The following ZSWIM8 variants were observed in gnomAD, a reference collection of about 807,000 sequenced individuals.
The protein encoded by ZSWIM8 is zinc finger SWIM-type containing 8, also known as zinc finger SWIM domain-containing protein 8.
ZSWIM8 carries 27 observed loss-of-function variants against 173.7 expected under a neutral mutation model. The observed-to-expected ratio is 0.16, with a 90% CI of 0.11 to 0.21. The LOEUF (loss-of-function observed/expected upper bound fraction) is 0.21, where lower values mean the gene tolerates loss of function less well. Among genes scored for constraint, ZSWIM8 ranks in the 10% least tolerant of loss-of-function variants. ZSWIM8 has a pLI of 1.00. For synonymous variants in ZSWIM8, 958 were observed against 962.0 expected, an observed-to-expected ratio of 1.00 and a Z score of 0.08; for missense variants, 1,627 against 2,428.8, an observed-to-expected ratio of 0.67 and a Z score of 6.94.
Position 73,801,068 on chromosome 10 carries a change from G to A in ZSWIM8, c.5174G>A (p.Ser1725Asn). 3 of 1,562,108 alleles carry A rather than the reference G, an allele frequency of 1.9e-6. No individual in the cohort carries two copies. The highest frequency in any genetic ancestry group is 2.6e-6 in the Non-Finnish European group (3 of 1,153,470). The change falls in exon 25 of 26, where the codon AGC (serine) becomes AAC (asparagine). Residue 1725 changes from serine (S) to asparagine (N), a missense_variant. By Grantham distance (46) the Ser-to-Asn change is conservative. Coordinates refer to ENST00000604729, the MANE Select transcript of ZSWIM8 (RefSeq NM_001367799.1). This position sits in a 1 kb window ranked among gnomAD's most constrained non-coding sequence, Gnocchi z 4.9. Reference sequence around the variant, plus strand: ...GTGGGGGCAGCCAAGGGGGTGCTGAGCCCGTTTGTGCTGCAGGAGATCGTC... The same window carrying A: ...GTGGGGGCAGCCAAGGGGGTGCTGAACCCGTTTGTGCTGCAGGAGATCGTC... ...FCVGAAKGVL[S>N]PFVLQEIVME...
rs1589600405 is a variant in ZSWIM8 at position 73,800,645 on chromosome 10, C to T, written c.5008C>T (p.Leu1670=). The T allele has an allele frequency of 6.2e-7, 1 of 1,613,654 alleles. No homozygotes were observed. The highest frequency in any genetic ancestry group is 1.1e-5 in the South Asian group (1 of 91,078). The change falls in exon 24 of 26, where the codon CTG becomes TTG. Residue 1670 remains leucine, a synonymous_variant. Coordinates refer to ENST00000604729, the MANE Select transcript of ZSWIM8 (RefSeq NM_001367799.1). This position sits in a 1 kb window ranked among gnomAD's most constrained non-coding sequence, Gnocchi z 4.1. ...CACCCTTATCTATCTCCCAGGAATG[C>T]TGGCACTGGAGATGCTGGGTCGCCG... is the stretch of plus-strand genomic sequence containing the variant. ...HLHAAYRVGM[L]ALEMLGRRAH...
chr10:73,788,542 T>C, intron 1 of ZSWIM8, 128 bp from the exon 2 acceptor site: 1 of 1,189,490 alleles, frequency 8.4e-7, no homozygotes, highest in Non-Finnish European at 1.2e-6. Context: ...AGGACTTTCA[T>C]CCAGGTCTCT....
In ZSWIM8 at chr10:73,800,136, A is replaced by G. The variant is rs766775053; in HGVS notation, c.4791A>G (p.Thr1597=). 2.5e-6 allele frequency: 4 copies of G among 1,613,780 alleles called. No individual in the cohort carries two copies. Among genetic ancestry groups the G allele is most frequent in the East Asian group, 4.5e-5 (2 of 44,882 alleles). Residue 1597 remains threonine (T), a synonymous_variant, in exon 22 of 26, where the codon ACA becomes ACG. Transcript: ENST00000604729. The surrounding 1 kb of genome is among the most constrained non-coding windows in gnomAD (Gnocchi z 4.1). Reference sequence around the variant, plus strand: ...CCATCACAGTACATCCCTACCACACAGAGCCAGGGCTTCCACTGCCCACCA... The same window carrying G: ...CCATCACAGTACATCCCTACCACACGGAGCCAGGGCTTCCACTGCCCACCA... The part of the protein sequence containing the change: ...MAPITVHPYH[T]EPGLPLPTSV...
chr10:73,800,708 C>G lies in ZSWIM8; in HGVS notation c.5071C>G (p.Pro1691Ala). 6.2e-7 allele frequency: 1 copy of G among 1,613,830 alleles called. No individual in the cohort carries two copies. Among genetic ancestry groups the G allele is most frequent in the Non-Finnish European group, 8.5e-7 (1 of 1,179,808 alleles). Residue 1691 changes from proline to alanine, a missense_variant, in exon 24 of 26, where the codon CCC (proline) becomes GCC (alanine). Physicochemically the swap from Pro to Ala is conservative, Grantham distance 27. This residue lies in a region of ZSWIM8 where 30 missense variants were observed against 20.9 expected (regional missense o/e 1.44). Coordinates refer to ENST00000604729, the MANE Select transcript of ZSWIM8 (RefSeq NM_001367799.1). The surrounding 1 kb of genome is among the most constrained non-coding windows in gnomAD (Gnocchi z 4.1). ...TCACCCCAACAACTTCTCCCGCTCC[C>G]CCCCCTACACTGATGATGTCAAATG... ...NDHPNNFSRS[P>A]PYTDDVKWLL... is the part of the protein sequence containing the mutation.
At chr10:73,796,360 AG>A in intron 15 of ZSWIM8, 3 of 418,108 alleles carry the variant, frequency 7.2e-6, no homozygotes, top group East Asian at 7.4e-5. Flanking sequence ...TAAAAAAAAA[AG>A]AAGAAGAAGA....
chr10:73,798,362 C>T lies in ZSWIM8; in HGVS notation c.4085C>T (p.Ala1362Val). 3 of 1,614,016 alleles carry T rather than the reference C, an allele frequency of 1.9e-6. No homozygotes were observed. The highest frequency in any genetic ancestry group is 1.1e-5 in the South Asian group (1 of 91,080). The change falls in exon 20 of 26, where the codon GCG becomes GTG. Residue 1362 changes from alanine (A) to valine (V), a missense_variant. Physicochemically the swap from Ala to Val is moderately conservative, Grantham distance 64 (BLOSUM62 0). Around this residue, in one of 18 missense-constraint regions of ZSWIM8, gnomAD observed 95 missense variants for 271.3 expected, o/e 0.35. Transcript: ENST00000604729. ...SRARDSNMVR[A>V]AAELALSCLP... ...GCAAGAGACTCCAATATGGTGAGGGCGGCAGCAGAGCTGGCCCTGAGCTGC... is the reference window on the plus strand; with the variant it reads ...GCAAGAGACTCCAATATGGTGAGGGTGGCAGCAGAGCTGGCCCTGAGCTGC...
In ZSWIM8 at chr10:73,797,478, G is replaced by A. The variant is rs764761601; in HGVS notation, c.3535G>A (p.Gly1179Ser). The A allele has an allele frequency of 5.0e-6, 8 of 1,613,836 alleles. No homozygotes were observed. Among genetic ancestry groups the A allele is most frequent in the Middle Eastern group, 1.6e-4 (1 of 6,084 alleles). Reference sequence around the variant, plus strand: ...AGGGGGCTGGGCCCCCACCTCCTGGGGTCGAGGTCAGGACAGTGACAGCAT... The same window carrying A: ...AGGGGGCTGGGCCCCCACCTCCTGGAGTCGAGGTCAGGACAGTGACAGCAT... Reference protein sequence around the residue: ...LRGGWAPTSWGRGQDSDSISS... With the variant: ...LRGGWAPTSWSRGQDSDSISS... Residue 1179 changes from glycine (G) to serine (S), a missense_variant, in exon 18 of 26, where the codon GGT becomes AGT. This residue lies in a region of ZSWIM8 where 72 missense variants were observed against 98.4 expected (regional missense o/e 0.73). Transcript: ENST00000604729. The surrounding 1 kb of genome is among the most constrained non-coding windows in gnomAD (Gnocchi z 5.6).
intron 15 of ZSWIM8, chr10:73,796,370 G>A (rs967384036): frequency 4.5e-5 from 19 of 425,470 alleles, no homozygotes; most frequent in South Asian, 8.6e-5. Context: ...AGAAGAAGAA[G>A]AAAAAAAGAA....
chr10:73,800,876 T>C lies in ZSWIM8; in HGVS notation c.5122+117T>C. 2 of 1,179,346 alleles carry C rather than the reference T, an allele frequency of 1.7e-6. No individual in the cohort carries two copies. Among genetic ancestry groups the C allele is most frequent in the Non-Finnish European group, 2.4e-6 (2 of 836,050 alleles). 73.1% of individuals were successfully genotyped at this position (1,179,346 alleles called of 1,614,324 possible). On this transcript the variant is annotated intron_variant, in intron 24 of 25. Coordinates refer to ENST00000604729, the MANE Select transcript of ZSWIM8 (RefSeq NM_001367799.1). This position sits in a 1 kb window ranked among gnomAD's most constrained non-coding sequence, Gnocchi z 4.1. Reference sequence around the variant, plus strand: ...AGTTGAGGCCTTGGTCGGGTATGTGTGCGTGCGCGGGGGGCGGAGGGTTAC... The same window carrying C: ...AGTTGAGGCCTTGGTCGGGTATGTGCGCGTGCGCGGGGGGCGGAGGGTTAC...
chr10:73,791,235 ATCC>A lies in ZSWIM8; in HGVS notation c.1143+65_1143+67del. On this transcript the variant is annotated intron_variant, in intron 8 of 25. Transcript: ENST00000604729. This position sits in a 1 kb window ranked among gnomAD's most constrained non-coding sequence, Gnocchi z 6.0. ...CTCATTCTTTCCCTCCCCCTGCCTC[ATCC>A]TCCTCTTGCTGAAATGGACTCTGGG... 1 of 1,568,510 alleles carries A rather than the reference ATCC, an allele frequency of 6.4e-7. No individual in the cohort carries two copies. The highest frequency in any genetic ancestry group is 8.7e-7 in the Non-Finnish European group (1 of 1,151,278).
At chr10:73,788,101 G>A (rs2083287781) in intron 1 of ZSWIM8, among the ~76,000 whole-genome samples, 1 of 152,090 alleles carries the variant, frequency 6.6e-6, no homozygotes, top group South Asian at 2.1e-4. Flanking sequence ...CCCCTTGAGG[G>A]TTTCCAGTGT....
chr10:73,795,501 G>T (rs1293224907), intron 14 of ZSWIM8, 38 bp from the exon 15 acceptor site: 4 of 1,611,456 alleles, frequency 2.5e-6, no homozygotes, highest in East Asian at 2.2e-5. Context: ...TGGGAATTAT[G>T]ACTACTCTCA....
At position 73,800,884 on chromosome 10, in the gene ZSWIM8, C is replaced by CG. The variant is rs1208564741; in HGVS notation, c.5123-127dup. Reference sequence around the variant, plus strand: ...CCTTGGTCGGGTATGTGTGCGTGCGCGGGGGGCGGAGGGTTACCTCAGCTC... The same window carrying CG: ...CCTTGGTCGGGTATGTGTGCGTGCGCGGGGGGGCGGAGGGTTACCTCAGCTC... On this transcript the variant is annotated intron_variant, in intron 24 of 25. Transcript: ENST00000604729. This position sits in a 1 kb window ranked among gnomAD's most constrained non-coding sequence, Gnocchi z 4.1. 6.0e-5 allele frequency: 71 copies of CG among 1,188,662 alleles called. No individual in the cohort carries two copies. Among genetic ancestry groups the CG allele is most frequent in the African/African-American group, 1.8e-4 (12 of 65,724 alleles). The allele number at this position is 1,188,662 out of a possible 1,614,324, so 73.6% of individuals were successfully genotyped here.
In ZSWIM8 at chr10:73,799,248, G is replaced by C. The variant is rs935517321; in HGVS notation, c.4423G>C (p.Val1475Leu). The C allele has an allele frequency of 1.9e-6, 3 of 1,601,426 alleles. No homozygotes were observed. The highest frequency in any genetic ancestry group is 1.7e-6 in the Non-Finnish European group (2 of 1,174,478). ...GGGCCCAGGGACTGAGCCGGTTACA[G>C]TGGCAGCGGCAGCAGTGACAGCAGC... ...RGGPGTEPVT[V>L]AAAAVTAAAT... The change falls in exon 21 of 26, where the codon GTG becomes CTG. Residue 1475 changes from valine to leucine, a missense_variant. This residue lies in a region of ZSWIM8 where 275 missense variants were observed against 290.1 expected (regional missense o/e 0.95). Coordinates refer to ENST00000604729, the MANE Select transcript of ZSWIM8 (RefSeq NM_001367799.1).
chr10:73,788,418 C>T (rs1044897139), intron 1 of ZSWIM8, among the ~76,000 whole-genome samples: 2 of 152,170 alleles, frequency 1.3e-5, no homozygotes, highest in Non-Finnish European at 2.9e-5. Flanking sequence ...TAAGATATCT[C>T]TGGTATCTTC....
rs2083371569 is a variant in ZSWIM8, at chr10:73,790,296, A to G, written c.941+4A>G. The G allele has an allele frequency of 1.9e-6, 3 of 1,600,980 alleles. No individual in the cohort carries two copies. Among genetic ancestry groups the G allele is most frequent in the South Asian group, 1.1e-5 (1 of 88,478 alleles). Reference sequence around the variant, plus strand: ...GCCCCTCCCCTGTGGTCTTCAGGTAAATCGGATCTCTGCATACCTGTGTCT... The same window carrying G: ...GCCCCTCCCCTGTGGTCTTCAGGTAGATCGGATCTCTGCATACCTGTGTCT... On this transcript the variant is annotated splice_donor_region_variant and intron_variant, in intron 7 of 25. Transcript: ENST00000604729.
At position 73,801,357 on chromosome 10, in the gene ZSWIM8, C is replaced by T. The variant is rs1278470352; in HGVS notation, c.5343C>T (p.Tyr1781=). ...HRLIHLTPAD[Y]DDFVNAIRSA... ...TGATTCACCTGACTCCTGCGGACTA[C>T]GACGACTTTGTGAATGCGATCCGGA... Residue 1781 remains tyrosine, a synonymous_variant, in exon 26 of 26, where the codon TAC becomes TAT. Coordinates refer to ENST00000604729, the MANE Select transcript of ZSWIM8 (RefSeq NM_001367799.1). The surrounding 1 kb of genome is among the most constrained non-coding windows in gnomAD (Gnocchi z 4.9). The T allele has an allele frequency of 2.5e-6, 4 of 1,613,978 alleles. No homozygotes were observed. Among genetic ancestry groups the T allele is most frequent in the Admixed American group, 1.7e-5 (1 of 60,014 alleles).
rs762917511 is a variant in ZSWIM8 at position 73,789,837 on chromosome 10, G to A, written c.738+13G>A. 19 of 1,596,174 alleles carry A rather than the reference G, an allele frequency of 1.2e-5. No individual in the cohort carries two copies. Among genetic ancestry groups the A allele is most frequent in the Admixed American group, 3.5e-5 (2 of 57,500 alleles). On this transcript the variant is annotated intron_variant, in intron 5 of 25. Coordinates refer to ENST00000604729, the MANE Select transcript of ZSWIM8 (RefSeq NM_001367799.1). The surrounding 1 kb of genome is among the most constrained non-coding windows in gnomAD (Gnocchi z 6.8). ...GCTCCCTCAGCAGGTGGGTGAGGTCGGCACCCCCTCCTGCAATTAGCTCCG... is the reference window on the plus strand; with the variant it reads ...GCTCCCTCAGCAGGTGGGTGAGGTCAGCACCCCCTCCTGCAATTAGCTCCG...
rs1325745982 is a variant in ZSWIM8 at position 73,792,482 on chromosome 10, C to G, written c.1943C>G (p.Pro648Arg). The G allele has an allele frequency of 6.2e-7, 1 of 1,612,174 alleles. No individual in the cohort carries two copies. The highest frequency in any genetic ancestry group is 2.2e-5 in the East Asian group (1 of 44,834). The change falls in exon 10 of 26, where the codon CCT becomes CGT. Residue 648 changes from proline to arginine, a missense_variant. Pro to Arg is a moderately radical substitution (Grantham distance 103). This residue lies in a region of ZSWIM8 where 383 missense variants were observed against 394.8 expected (regional missense o/e 0.97). Coordinates refer to ENST00000604729, the MANE Select transcript of ZSWIM8 (RefSeq NM_001367799.1). This position sits in a 1 kb window ranked among gnomAD's most constrained non-coding sequence, Gnocchi z 4.3. Reference protein sequence around the residue: ...GGFPESPPPCPLHGGSRGPST... With the variant: ...GGFPESPPPCRLHGGSRGPST... ...TTCCCTGAGAGCCCTCCACCCTGTC[C>G]TCTCCACGGTGGCTCCCGAGGCCCT...
Sources: allele counts gnomAD v4.1 joint callset (sites outside exome capture counted in the v4.1 genomes callset), GRCh38; gene constraint gnomAD v4.1.1; regional missense constraint gnomAD v4.1.1; non-coding constraint Gnocchi (gnomAD v3.1); transcripts MANE v1.5; gene names NCBI Gene and HGNC (gene_info 2026-07-23, HGNC 2026-07-21).